ADGRG1: variants seen among roughly 807,000 people sequenced by gnomAD.
ADGRG1 encodes the protein adhesion G protein-coupled receptor G1.
Under a neutral mutation model 73.5 loss-of-function variants are expected in ADGRG1, and 53 were observed. That is an observed-to-expected ratio of 0.72 (90% confidence interval 0.58 to 0.91). The LOEUF (loss-of-function observed/expected upper bound fraction) is 0.91. Among genes scored for constraint, ADGRG1 ranks in the 40% least tolerant of loss-of-function variants. ADGRG1 has a pLI of 0.00. For synonymous variants in ADGRG1, 394 were observed against 374.4 expected (o/e 1.05, Z -0.60); for missense variants, 795 against 871.8 (o/e 0.91, Z 1.11).
chr16:57,637,249 C>A, intron 1 of ADGRG1: 4 of 926,844 alleles, frequency 4.3e-6, no homozygotes, highest in Non-Finnish European at 5.2e-6. Context: ...CCCGCCCCGA[C>A]CCTGGTCGGG....
At position 57,655,313 on chromosome 16, in the gene ADGRG1, G is replaced by T. The variant is rs866942438; in HGVS notation, c.769-86G>T. On this transcript the variant is annotated intron_variant, in intron 5 of 13. Transcript: ENST00000562631. ...CTTAGAAGTGGCAGCGTCCAGGAAC[G>T]GATGGGTGTGTGTGTGTGTGTGCTA... is the stretch of plus-strand genomic sequence containing the variant. 118 of 1,560,936 alleles carry T rather than the reference G, an allele frequency of 7.6e-5. No individual in the cohort carries two copies. In the Middle Eastern group the frequency reaches 1.0e-3, roughly 14 times the overall value.
chr16:57,630,522 G>A (rs1038722717), intron 1 of ADGRG1: 8 of 985,392 alleles, frequency 8.1e-6, no homozygotes, highest in African/African-American at 1.7e-5. Context: ...TAGGCCTGGG[G>A]CTTGGCTCCG....
intron 11 of ADGRG1, 177 bp from the exon 12 acceptor site, chr16:57,660,591 T>C (rs2046846535): frequency 1.1e-6 from 1 of 903,438 alleles, no homozygotes; most frequent in Non-Finnish European, 1.3e-6. Flanking sequence ...AAACCCATAC[T>C]GGAATGGGGA....
At chr16:57,657,912 G>C (rs1472753116) in intron 10 of ADGRG1, among the ~76,000 whole-genome samples, 3 of 151,582 alleles carry the variant, frequency 2.0e-5, no homozygotes, top group Non-Finnish European at 4.4e-5. Context: ...TGGCTAATCT[G>C]TATATTTTTA....
upstream of ADGRG1, among the ~76,000 whole-genome samples, chr16:57,620,577 C>G (rs1417901253): frequency 6.6e-6 from 1 of 152,156 alleles, no homozygotes; most frequent in Non-Finnish European, 1.5e-5. Context: ...GCAGGTTGGC[C>G]CAGGTCGTTT....
Position 57,640,989 on chromosome 16 carries a change from T to C in ADGRG1, c.-35-9264T>C, listed in dbSNP as rs555492047. The C allele has an allele frequency of 9.1e-6, 9 of 985,416 alleles. No individual in the cohort carries two copies. In the East Asian group the frequency reaches 8.0e-4, roughly 87 times the overall value. 61.0% of individuals were successfully genotyped at this position (985,416 alleles called of 1,614,324 possible). A position where few individuals can be genotyped will look rare whatever the true frequency, so the allele number is the denominator to read the frequency against. ...CAGACAACTGAGGTCCGGCTGTGGTTTGAGAGGGAAGACAGTCTAGAGGGG... is the reference window on the plus strand; with the variant it reads ...CAGACAACTGAGGTCCGGCTGTGGTCTGAGAGGGAAGACAGTCTAGAGGGG... On this transcript the variant is annotated intron_variant, in intron 1 of 13. Coordinates refer to ENST00000562631, the MANE Select transcript of ADGRG1 (RefSeq NM_201525.4).
chr16:57,623,269 G>T (rs552605858), upstream of ADGRG1: 53 of 982,698 alleles, frequency 5.4e-5, no homozygotes, highest in South Asian at 1.4e-3. Context: ...CAGTGCTGCA[G>T]CCAGGTGTGG....
chr16:57,632,746 G>A, intron 1 of ADGRG1: 2 of 981,202 alleles, frequency 2.0e-6, no homozygotes, highest in South Asian at 4.7e-5. Flanking sequence ...GCAGTTCCAG[G>A]CAGAGATAAA....
chr16:57,661,021 G>A (rs191220382), intron 12 of ADGRG1, 145 bp downstream of exon 12: 13 of 710,692 alleles, frequency 1.8e-5, no homozygotes, highest in Middle Eastern at 2.9e-4. Context: ...CTGAAGCACT[G>A]GTCTAAGAGT....
chr16:57,656,651 C>A, intron 9 of ADGRG1, 34 bp downstream of exon 9: 1 of 1,272,308 alleles, frequency 7.9e-7, no homozygotes, highest in Non-Finnish European at 1.2e-6. Flanking sequence ...GCAGCCACAC[C>A]CCAGGCCGTG....
At chr16:57,636,482 G>A (rs1218857894) in intron 1 of ADGRG1, 1 of 985,304 alleles carries the variant, frequency 1.0e-6, no homozygotes, top group African/African-American at 1.7e-5. Context: ...CAAGCAGCCG[G>A]CAGAGGTGTG....
Position 57,655,500 on chromosome 16 carries a change from G to A in ADGRG1, c.870G>A (p.Leu290=). ...GGGAGGCTGAGAAGAGACTCCTCCT[G>A]GTGGACTTCAGCAGCCAAGCCCTGT... ...RSGEAEKRLL[L]VDFSSQALFQ... Residue 290 remains leucine, a synonymous_variant, in exon 6 of 14, where the codon CTG becomes CTA. Coordinates refer to ENST00000562631, the MANE Select transcript of ADGRG1 (RefSeq NM_201525.4). 6.2e-7 allele frequency: 1 copy of A among 1,613,876 alleles called. No individual in the cohort carries two copies. The highest frequency in any genetic ancestry group is 8.5e-7 in the Non-Finnish European group (1 of 1,180,020).
In ADGRG1 at chr16:57,652,877, A is replaced by C. The variant is rs898317636; in HGVS notation, c.488-326A>C. 20 of 1,186,066 alleles carry C rather than the reference A, an allele frequency of 1.7e-5. No homozygotes were observed. The African/African-American group carries it at 2.7e-4, about 16-fold the overall frequency. The allele number at this position is 1,186,066 out of a possible 1,614,324, so 73.5% of individuals were successfully genotyped here. A position where few individuals can be genotyped will look rare whatever the true frequency, so the allele number is the denominator to read the frequency against. On this transcript the variant is annotated intron_variant, in intron 3 of 13. Transcript: ENST00000562631. ...CAGGAACCACCACCAAGCCCCGCAC[A>C]TCCCTCCTAAGGAGGCCTGGCTGGG...
At position 57,651,904 on chromosome 16, in the gene ADGRG1, GA is replaced by G. The variant is rs1440832753; in HGVS notation, c.487+283del. ...GGCAAGGGCCCGTCCTGAGGCTGCA[GA>G]GAAGGTCTTGGTGAAGGAGGATGAG... On this transcript the variant is annotated intron_variant, in intron 3 of 13. Transcript: ENST00000562631. The G allele has an allele frequency of 5.0e-6, 7 of 1,393,910 alleles. 1 individual carries two copies. The highest frequency in any genetic ancestry group is 6.5e-6 in the Non-Finnish European group (7 of 1,073,294). 86.3% of individuals were successfully genotyped at this position (1,393,910 alleles called of 1,614,324 possible).
chr16:57,643,545 T>C (rs2041388665), intron 1 of ADGRG1: 1 of 982,194 alleles, frequency 1.0e-6, no homozygotes, highest in South Asian at 4.7e-5. Context: ...CAGTGAGGCC[T>C]GAGCTGGCGG....
intron 1 of ADGRG1, chr16:57,648,014 G>A (rs1460107081): frequency 6.6e-6 from 1 of 152,548 alleles, no homozygotes; most frequent in Non-Finnish European, 1.5e-5. Flanking sequence ...AGTAAGCCAG[G>A]GAGATGCATG....
chr16:57,645,044 T>TAC, intron 1 of ADGRG1: 2 of 979,592 alleles, frequency 2.0e-6, no homozygotes, highest in Non-Finnish European at 2.4e-6. Flanking sequence ...CTCATGCACA[T>TAC]ACACACACTC....
rs1182773612 is a variant in ADGRG1, at chr16:57,635,884, C to T, written c.-36+7082C>T. ...TATAAAATGGGAATGATAGTACCTC[C>T]TCATAGAGTGGCCCTGGAAGCATGG... is the stretch of plus-strand genomic sequence containing the variant. On this transcript the variant is annotated intron_variant, in intron 1 of 13. Transcript: ENST00000562631. 8.1e-6 allele frequency: 8 copies of T among 985,218 alleles called. No homozygotes were observed. In the African/African-American group the frequency reaches 1.4e-4, roughly 17 times the overall value. The allele number at this position is 985,218 out of a possible 1,614,324, so 61.0% of individuals were successfully genotyped here. A position where few individuals can be genotyped will look rare whatever the true frequency, so the allele number is the denominator to read the frequency against.
At chr16:57,655,587 G>A (rs1315810032) in intron 6 of ADGRG1, 57 bp downstream of exon 6, 1 of 1,611,450 alleles carries the variant, frequency 6.2e-7, no homozygotes, top group East Asian at 2.2e-5. Flanking sequence ...TCTGACAGAG[G>A]TGGAAAGAAG....
Sources: gnomAD v4.1 joint callset for allele counts (sites outside exome capture counted in the v4.1 genomes callset) on GRCh38, gnomAD v4.1.1 for gene constraint, MANE v1.5 for transcripts, NCBI Gene and HGNC (gene_info 2026-07-23, HGNC 2026-07-21) for gene names.